The following NRXN1 variants were observed in gnomAD, a reference collection of about 807,000 sequenced individuals.
NRXN1 encodes the protein neurexin 1.
A neutral mutation model predicts 150.9 loss-of-function variants in NRXN1; 39 were observed. That is an observed-to-expected ratio of 0.26 (90% confidence interval 0.20 to 0.34). NRXN1 has a LOEUF of 0.34. NRXN1 is among the 10% of genes least tolerant of loss of function. NRXN1 has a pLI of 1.00. For synonymous variants in NRXN1, 924 were observed against 757.0 expected, an observed-to-expected ratio of 1.22 and a Z score of -3.62; for missense variants, 1,815 against 1,949.9, an observed-to-expected ratio of 0.93 and a Z score of 1.30.
At chr2:50,128,791 T>C (rs1206881816) in intron 18 of NRXN1, among the ~76,000 whole-genome samples, 2 of 151,968 alleles carry the variant, frequency 1.3e-5, no homozygotes, top group South Asian at 2.1e-4. Flanking sequence ...GAGACCAGCC[T>C]GGCCAACATG....
chr2:50,298,720 T>C (rs535541055), intron 17 of NRXN1, among the ~76,000 whole-genome samples: 1 of 152,314 alleles, frequency 6.6e-6, no homozygotes, highest in Admixed American at 6.5e-5. Flanking sequence ...GTTGTAATCA[T>C]TTATTACATA....
At chr2:50,563,555 G>A in intron 8 of NRXN1, among the ~76,000 whole-genome samples, 1 of 152,148 alleles carries the variant, frequency 6.6e-6, no homozygotes, top group East Asian at 1.9e-4. Flanking sequence ...GAAGAAGAAA[G>A]TGGAGTGACC....
At position 50,945,499 on chromosome 2, in the gene NRXN1, CCTCTCT is replaced by C. The variant is rs903495197; in HGVS notation, c.773-19550_773-19545del. 4.7e-5 allele frequency among the ~76,000 whole-genome samples: 5 copies of C among 106,198 alleles called. No homozygotes were observed. In the South Asian group the frequency reaches 1.7e-3, roughly 36 times the overall value. 69.7% of individuals were successfully genotyped at this position (106,198 alleles called of 152,430 possible). A position where few individuals can be genotyped will look rare whatever the true frequency, so the allele number is the denominator to read the frequency against. On this transcript the variant is annotated intron_variant, in intron 2 of 22. Coordinates refer to ENST00000401669, the MANE Select transcript of NRXN1 (RefSeq NM_001330078.2). Reference sequence around the variant, plus strand: ...AACTAGATATATAAATATATAGCTCCCTCTCTCTCTCTCTCTTACTATATATATATA... The same window carrying C: ...AACTAGATATATAAATATATAGCTCCCTCTCTCTCTTACTATATATATATA...
intron 5 of NRXN1, among the ~76,000 whole-genome samples, chr2:50,886,237 TGAG>T (rs1363986235): frequency 1.3e-5 from 2 of 150,994 alleles, no homozygotes; most frequent in East Asian, 3.9e-4. Context: ...CCCATAGAAA[TGAG>T]GAGAATGAAA....
intron 2 of NRXN1, among the ~76,000 whole-genome samples, chr2:50,930,902 T>C (rs1477887967): frequency 6.6e-6 from 1 of 152,164 alleles, no homozygotes; most frequent in Non-Finnish European, 1.5e-5. Flanking sequence ...AGCAGTGCTT[T>C]CCTTTCTAAG....
chr2:50,701,115 A>C lies in NRXN1; in HGVS notation c.833-77500T>G, dbSNP rs372964760. 1.5e-4 allele frequency among the ~76,000 whole-genome samples: 23 copies of C among 152,310 alleles called. No homozygotes were observed. In the East Asian group the frequency reaches 4.2e-3, roughly 28 times the overall value. On this transcript the variant is annotated intron_variant, in intron 5 of 22. Coordinates refer to ENST00000401669, the MANE Select transcript of NRXN1 (RefSeq NM_001330078.2). The stretch of plus-strand genomic sequence containing the variant: ...TTAAAGTAGGCCTTTCCTTCCACTG[A>C]TAAAATGTTCCAAAGTTATTTATCA...
intron 13 of NRXN1, among the ~76,000 whole-genome samples, chr2:50,505,308 C>T (rs1186540392): frequency 6.6e-6 from 1 of 152,138 alleles, no homozygotes; most frequent in Non-Finnish European, 1.5e-5. Flanking sequence ...TTATCCTCTT[C>T]GAGTGCCACT....
At chr2:50,918,726 G>C (rs1341607652) in intron 5 of NRXN1, 1 of 328,810 alleles carries the variant, frequency 3.0e-6, no homozygotes, top group Non-Finnish European at 5.6e-6. Flanking sequence ...GAACAAAAGA[G>C]AAAAGACATA....
intron 17 of NRXN1, among the ~76,000 whole-genome samples, chr2:50,454,390 T>C (rs903735883): frequency 6.6e-5 from 10 of 151,988 alleles, no homozygotes; most frequent in Admixed American, 2.0e-4. Context: ...GCTGCTGCAA[T>C]GGAATGTGAA....
chr2:50,590,373 A>G (rs190989577), intron 8 of NRXN1, among the ~76,000 whole-genome samples: 2 of 152,242 alleles, frequency 1.3e-5, no homozygotes, highest in South Asian at 2.1e-4. Context: ...TTGCTTATGA[A>G]CTATTTTGTT....
intron 5 of NRXN1, chr2:50,739,326 GA>G: frequency 2.3e-6 from 1 of 436,346 alleles, no homozygotes; most frequent in Non-Finnish European, 4.7e-6. Flanking sequence ...CAATGTGACT[GA>G]AAACAGAAAA....
intron 5 of NRXN1, among the ~76,000 whole-genome samples, chr2:50,884,720 G>C (rs1006393072): frequency 4.6e-5 from 7 of 151,410 alleles, no homozygotes; most frequent in African/African-American, 1.7e-4. Flanking sequence ...CTGCTCACAG[G>C]TACATACAAC....
In NRXN1 at chr2:50,552,922, T is replaced by G. The variant is rs751754721; in HGVS notation, c.1424A>C (p.Asn475Thr). 1.2e-6 allele frequency: 2 copies of G among 1,613,712 alleles called. No individual in the cohort carries two copies. The highest frequency in any genetic ancestry group is 3.3e-5 in the Admixed American group (2 of 60,016). Residue 475 changes from asparagine (N) to threonine (T), a missense_variant, in exon 9 of 23, where the codon AAT becomes ACT. Physicochemically the swap from Asn to Thr is moderately conservative, Grantham distance 65. This residue lies in a region of NRXN1 where 638 missense variants were observed against 652.6 expected (regional missense o/e 0.98). Coordinates refer to ENST00000401669, the MANE Select transcript of NRXN1 (RefSeq NM_001330078.2). ...IHGVVAFKCENVATLDPITFE... is the reference protein window; with the variant it reads ...IHGVVAFKCETVATLDPITFE... ...GGTGATTGGGTCTAAAGTTGCAACA[T>G]TCTCACATTTAAATGCCACCACTCC...
At chr2:50,745,307 C>CA (rs1275440303) in intron 5 of NRXN1, among the ~76,000 whole-genome samples, 19 of 146,708 alleles carry the variant, frequency 1.3e-4, no homozygotes, top group Non-Finnish European at 3.0e-5. Context: ...CTGCCCCCCC[C>CA]CAGGACTGAA....
chr2:50,740,421 C>T (rs562306404), intron 5 of NRXN1, among the ~76,000 whole-genome samples: 1 of 152,046 alleles, frequency 6.6e-6, no homozygotes, highest in South Asian at 2.1e-4. Flanking sequence ...GATCACAGTG[C>T]GACATAACTA....
At chr2:50,863,626 G>A (rs1426777540) in intron 5 of NRXN1, among the ~76,000 whole-genome samples, 2 of 151,938 alleles carry the variant, frequency 1.3e-5, no homozygotes, top group Non-Finnish European at 2.9e-5. Context: ...GCTTTTTACA[G>A]TATTTCTCCT....
chr2:50,431,727 T>A (rs991876233), intron 17 of NRXN1, among the ~76,000 whole-genome samples: 3 of 152,150 alleles, frequency 2.0e-5, no homozygotes, highest in Non-Finnish European at 2.9e-5. Context: ...AATCACAGAG[T>A]TGAATAGCTG....
intron 17 of NRXN1, among the ~76,000 whole-genome samples, chr2:50,403,685 T>G (rs1489759850): frequency 1.3e-5 from 2 of 152,164 alleles, no homozygotes; most frequent in Non-Finnish European, 2.9e-5. Context: ...TACTTTAAAA[T>G]TTTTACAGCT....
At chr2:50,790,201 A>C (rs1705737157) in intron 5 of NRXN1, among the ~76,000 whole-genome samples, 1 of 151,970 alleles carries the variant, frequency 6.6e-6, no homozygotes, top group Non-Finnish European at 1.5e-5. Flanking sequence ...CGAATTATGA[A>C]ATGTGCCCCA....
Sources: allele counts gnomAD v4.1 joint callset (sites outside exome capture counted in the v4.1 genomes callset), GRCh38; gene constraint gnomAD v4.1.1; regional missense constraint gnomAD v4.1.1; transcripts MANE v1.5; gene names NCBI Gene and HGNC (gene_info 2026-07-23, HGNC 2026-07-21).